The following FAAH2 variants were observed in gnomAD, a reference collection of about 807,000 sequenced individuals.
The protein encoded by FAAH2 is fatty acid amide hydrolase 2, also known as fatty-acid amide hydrolase 2.
A neutral mutation model predicts 36.9 loss-of-function variants in FAAH2; 60 were observed. The observed-to-expected ratio is 1.63, with a 90% CI of 1.32 to 2.02. The LOEUF (loss-of-function observed/expected upper bound fraction) is 2.02. Among genes scored for constraint, FAAH2 ranks in the 30% most tolerant of loss-of-function variants. FAAH2 has a pLI of 0.00. For synonymous variants in FAAH2, 214 were observed against 143.8 expected (o/e 1.49, Z -3.49); for missense variants, 689 against 397.5 (o/e 1.73, Z -6.23).
At chrX:57,445,821 C>T (rs182011211) in intron 8 of FAAH2, among the ~76,000 whole-genome samples, 30 of 112,552 alleles carry the variant, frequency 2.7e-4, no homozygotes, top group African/African-American at 8.1e-4. Context: ...GCCACCACAG[C>T]TGATGTTGTA....
chrX:57,215,906 C>CATATATATATATATATATATATAT, the FAAH2 span, among the ~76,000 whole-genome samples: 1 of 89,533 alleles, frequency 1.1e-5, no homozygotes, highest in African/African-American at 4.0e-5. Context: ...CCATGGCACT[C>CATATATATATATATATATATATAT]ATATATATAT....
chrX:57,159,993 T>A, the FAAH2 span, among the ~76,000 whole-genome samples: 1 of 112,081 alleles, frequency 8.9e-6, no homozygotes, highest in Non-Finnish European at 1.9e-5. Flanking sequence ...ATAGCTCTTA[T>A]TATTTTGAGA....
chrX:57,352,075 TATATGTGTATATATATGC>T lies in FAAH2; in HGVS notation c.742+10687_742+10704del, dbSNP rs2054026725. 2.6e-4 allele frequency among the ~76,000 whole-genome samples: 9 copies of T among 34,199 alleles called. 1 individual carries two copies. Among genetic ancestry groups the T allele is most frequent in the Admixed American group, 8.3e-4 (2 of 2,421 alleles). The allele number at this position is 34,199 out of a possible 115,157, so 29.7% of individuals were successfully genotyped here. A position where few individuals can be genotyped will look rare whatever the true frequency, so the allele number is the denominator to read the frequency against. On this transcript the variant is annotated intron_variant, in intron 5 of 10. Coordinates refer to ENST00000374900, the MANE Select transcript of FAAH2 (RefSeq NM_174912.4). ...GTATATATATATATATACACATATA[TATATGTGTATATATATGC>T]ACATATATATATATGTGTATATATA... is the stretch of plus-strand genomic sequence containing the variant.
chrX:57,410,223 G>A (rs974935269), intron 7 of FAAH2, among the ~76,000 whole-genome samples: 2 of 111,079 alleles, frequency 1.8e-5, no homozygotes, highest in Admixed American at 9.6e-5. Context: ...TGGCTGAAAT[G>A]ATACTTCATA....
chrX:57,376,214 T>G lies in FAAH2; in HGVS notation c.743-2437T>G, dbSNP rs141401577. Among the ~76,000 whole-genome samples the G allele has an allele frequency of 4.5e-3, 507 of 111,529 alleles. 3 individuals carry two copies. The highest frequency in any genetic ancestry group is 0.016 in the African/African-American group (480 of 30,720). On this transcript the variant is annotated intron_variant, in intron 5 of 10. Transcript: ENST00000374900. ...TTGTTTTTTTCTCCCTTTTTCTTGA[T>G]AAGTCTTGTTACGTGTTCATCGATA...
intron 3 of FAAH2, among the ~76,000 whole-genome samples, chrX:57,319,935 T>TAATA (rs2052966792): frequency 2.8e-5 from 3 of 108,805 alleles, no homozygotes; most frequent in Admixed American, 9.7e-5. Flanking sequence ...ATTCCCTATT[T>TAATA]AATGGTGCTG....
In FAAH2 at chrX:57,334,268, T is replaced by A. The variant is rs371846625; in HGVS notation, c.622+2461T>A. ...CTAGGTGACAGAGGGAGATTCCGTC[T>A]CACACACACACACACACACACACAC... On this transcript the variant is annotated intron_variant, in intron 4 of 10. Transcript: ENST00000374900. Among the ~76,000 whole-genome samples the A allele has an allele frequency of 5.2e-3, 445 of 85,726 alleles. 1 individual carries two copies. The highest frequency in any genetic ancestry group is 0.016 in the African/African-American group (395 of 24,551). The allele number at this position is 85,726 out of a possible 115,157, so 74.4% of individuals were successfully genotyped here.
intron 1 of FAAH2, among the ~76,000 whole-genome samples, 196 bp from the exon 2 acceptor site, chrX:57,292,302 C>T (rs1197496373): frequency 1.8e-5 from 2 of 111,419 alleles, no homozygotes; most frequent in East Asian, 5.6e-4. Context: ...CTGGTATATT[C>T]CTGACTTCTT....
intron 10 of FAAH2, among the ~76,000 whole-genome samples, chrX:57,484,707 T>C (rs1401684571): frequency 9.0e-6 from 1 of 111,587 alleles, no homozygotes; most frequent in East Asian, 2.8e-4. Context: ...TCAGCCCATG[T>C]GGTGAGTGTC....
At chrX:57,164,610 A>G in the FAAH2 span, among the ~76,000 whole-genome samples, 3 of 112,381 alleles carry the variant, frequency 2.7e-5, no homozygotes, top group Non-Finnish European at 3.8e-5. Context: ...CAAACAGAAT[A>G]TGCCACAGGA....
chrX:57,264,357 AAAAAGTGGGC>A, the FAAH2 span, among the ~76,000 whole-genome samples: 1 of 112,804 alleles, frequency 8.9e-6, no homozygotes, highest in South Asian at 3.6e-4. Context: ...CAATCCCATT[AAAAAGTGGGC>A]AAAAGACATG....
chrX:57,430,042 G>C (rs1243483546), intron 7 of FAAH2, among the ~76,000 whole-genome samples: 1 of 111,198 alleles, frequency 9.0e-6, no homozygotes, highest in Non-Finnish European at 1.9e-5. Flanking sequence ...GGATGGGAGG[G>C]ATCAGAGGGG....
intron 7 of FAAH2, 46 bp downstream of exon 7, chrX:57,381,075 G>A (rs765502433): frequency 7.2e-6 from 7 of 968,615 alleles, no homozygotes; most frequent in Non-Finnish European, 1.0e-5. Flanking sequence ...TAGTCAAAGA[G>A]ATATCCTTCT....
intron 3 of FAAH2, among the ~76,000 whole-genome samples, chrX:57,319,305 T>G (rs1389779123): frequency 8.9e-6 from 1 of 112,081 alleles, no homozygotes; most frequent in Admixed American, 9.5e-5. Context: ...CTTAAGCTGA[T>G]AAGCAACTTC....
At chrX:57,197,683 A>G in the FAAH2 span, among the ~76,000 whole-genome samples, 1 of 111,526 alleles carries the variant, frequency 9.0e-6, no homozygotes, top group Non-Finnish European at 1.9e-5. Context: ...ACCGGGTTCC[A>G]GGCTGATACA....
At position 57,376,953 on chromosome X, in the gene FAAH2, C is replaced by T. The variant is rs191419598; in HGVS notation, c.743-1698C>T. Among the ~76,000 whole-genome samples, 319 of 111,833 alleles carry T rather than the reference C, an allele frequency of 2.9e-3. 1 individual carries two copies. Among genetic ancestry groups the T allele is most frequent in the African/African-American group, 9.8e-3 (302 of 30,788 alleles). On this transcript the variant is annotated intron_variant, in intron 5 of 10. Transcript: ENST00000374900. The stretch of plus-strand genomic sequence containing the variant: ...ATATGTTTGTTGGCTGCATAAATGT[C>T]TTCTTTTGAAAAGTGCCTGTTCATA...
At chrX:57,162,495 C>T in the FAAH2 span, among the ~76,000 whole-genome samples, 1 of 111,962 alleles carries the variant, frequency 8.9e-6, no homozygotes, top group Admixed American at 9.5e-5. Flanking sequence ...CTTTCAGGTA[C>T]ACCAATCAGA....
chrX:57,352,999 G>T (rs2147109142), intron 5 of FAAH2, among the ~76,000 whole-genome samples: 1 of 110,613 alleles, frequency 9.0e-6, no homozygotes, highest in East Asian at 2.8e-4. Flanking sequence ...TACGTCAGAA[G>T]AATTAATATC....
chrX:57,390,166 G>C (rs965127726), intron 7 of FAAH2, among the ~76,000 whole-genome samples: 1 of 110,966 alleles, frequency 9.0e-6, no homozygotes, highest in Non-Finnish European at 1.9e-5. Context: ...TGTTTTCTTT[G>C]TGTGAAAATA....
Sources: gnomAD v4.1 joint callset for allele counts (sites outside exome capture counted in the v4.1 genomes callset) on GRCh38, gnomAD v4.1.1 for gene constraint, MANE v1.5 for transcripts, NCBI Gene and HGNC (gene_info 2026-07-23, HGNC 2026-07-21) for gene names.